STON2: variants seen among roughly 807,000 people sequenced by gnomAD.
STON2 encodes the protein stonin-2.
STON2 carries 29 observed loss-of-function variants against 65.7 expected under a neutral mutation model. The ratio of observed to expected loss-of-function variants is 0.44; its 90% CI spans 0.33 to 0.60. The LOEUF (loss-of-function observed/expected upper bound fraction) is 0.60. STON2 is among the 20% of genes least tolerant of loss of function. The pLI is 0.03. For missense variants in STON2, 1,054 were observed against 1,118.1 expected (o/e 0.94, Z 0.82); for synonymous variants, 404 against 414.2 (o/e 0.98, Z 0.30).
At chr14:81,310,543 T>C (rs1041422855) in intron 5 of STON2, among the ~76,000 whole-genome samples, 23 of 152,358 alleles carry the variant, frequency 1.5e-4, no homozygotes, top group Non-Finnish European at 2.5e-4. Context: ...AGAAGTCTAA[T>C]TGCCCTCCAA....
intron 4 of STON2, among the ~76,000 whole-genome samples, chr14:81,332,585 T>G (rs890126864): frequency 6.6e-6 from 1 of 152,192 alleles, no homozygotes; most frequent in Non-Finnish European, 1.5e-5. Flanking sequence ...TGCCTTGAAC[T>G]TACTGTCATC....
intron 5 of STON2, among the ~76,000 whole-genome samples, chr14:81,323,273 T>G (rs907224817): frequency 6.6e-6 from 1 of 152,168 alleles, no homozygotes; most frequent in African/African-American, 2.4e-5. Flanking sequence ...CCACAGCAAC[T>G]GAGGGAGAGG....
At chr14:81,369,493 G>A (rs1566930424) in intron 4 of STON2, among the ~76,000 whole-genome samples, 1 of 152,056 alleles carries the variant, frequency 6.6e-6, no homozygotes, top group Non-Finnish European at 1.5e-5. Context: ...CTTCAGTGAG[G>A]GGCCCATTTT....
intron 4 of STON2, among the ~76,000 whole-genome samples, chr14:81,335,652 T>C (rs924782589): frequency 7.9e-5 from 12 of 152,190 alleles, no homozygotes; most frequent in African/African-American, 2.9e-4. Context: ...AAGACCTAGA[T>C]TTCAGAGTAT....
intron 5 of STON2, among the ~76,000 whole-genome samples, chr14:81,295,458 T>A (rs949677560): frequency 6.6e-6 from 1 of 152,262 alleles, no homozygotes; most frequent in Non-Finnish European, 1.5e-5. Context: ...GTCTTGGTTA[T>A]GTATCAGATG....
chr14:81,329,288 C>T (rs2140262133), intron 4 of STON2, among the ~76,000 whole-genome samples: 1 of 152,102 alleles, frequency 6.6e-6, no homozygotes, highest in South Asian at 2.1e-4. Flanking sequence ...CCCGTCTCTA[C>T]TAAAAACACA....
At position 81,424,376 on chromosome 14, in the gene STON2, T is replaced by C. The variant is rs565512978; in HGVS notation, c.-199+2726A>G. On this transcript the variant is annotated intron_variant, in intron 2 of 8. Coordinates refer to the STON2 transcript ENST00000553821. ...AGAGAATCGCTTGAACACGGGAAGC[T>C]GAGGTTGCAGTGAGCCAAGATCGCG... 3.1e-3 allele frequency among the ~76,000 whole-genome samples: 465 copies of C among 152,018 alleles called. 2 individuals are homozygous for C. Among genetic ancestry groups the C allele is most frequent in the Non-Finnish European group, 4.6e-3 (312 of 67,962 alleles).
chr14:81,298,425 A>AC (rs1360830668), intron 5 of STON2, among the ~76,000 whole-genome samples: 2 of 5,458 alleles, frequency 3.7e-4, no homozygotes, highest in Admixed American at 8.1e-3. Flanking sequence ...GGGGGGGGGG[A>AC]ATCACAGAAT....
chr14:81,398,852 A>G (rs1900464210), intron 1 of STON2, among the ~76,000 whole-genome samples: 1 of 152,240 alleles, frequency 6.6e-6, no homozygotes, highest in South Asian at 2.1e-4. Context: ...TAATTATTGT[A>G]TTTTAGAAAT....
chr14:81,363,611 G>T (rs1898593491), intron 4 of STON2, among the ~76,000 whole-genome samples: 1 of 144,818 alleles, frequency 6.9e-6, no homozygotes, highest in Non-Finnish European at 1.5e-5. Context: ...AGAGTGAAAA[G>T]ATGTGATTTG....
chr14:81,377,296 C>T (rs1899298485), intron 3 of STON2, among the ~76,000 whole-genome samples: 1 of 152,160 alleles, frequency 6.6e-6, no homozygotes, highest in South Asian at 2.1e-4. Context: ...GCTTTTATTA[C>T]TCAGCATAAT....
At chr14:81,387,761 G>A (rs978486068) in intron 3 of STON2, among the ~76,000 whole-genome samples, 5 of 150,944 alleles carry the variant, frequency 3.3e-5, no homozygotes, top group Admixed American at 6.6e-5. Flanking sequence ...GCATGGTGGC[G>A]GGTGCCTGTA....
chr14:81,376,038 A>G (rs1899236516), intron 3 of STON2, among the ~76,000 whole-genome samples: 1 of 151,912 alleles, frequency 6.6e-6, no homozygotes, highest in Non-Finnish European at 1.5e-5. Flanking sequence ...TGAAAATACT[A>G]TATGTGAAAA....
intron 6 of STON2, among the ~76,000 whole-genome samples, chr14:81,275,365 A>T (rs1346544307): frequency 1.3e-5 from 2 of 152,144 alleles, no homozygotes; most frequent in African/African-American, 4.8e-5. Flanking sequence ...GATACGTCAC[A>T]TCACCTTCCC....
At chr14:81,338,450 CTG>C (rs1366641081) in intron 4 of STON2, among the ~76,000 whole-genome samples, 5 of 152,334 alleles carry the variant, frequency 3.3e-5, no homozygotes, top group South Asian at 2.1e-4. Flanking sequence ...ATGTCTTGCT[CTG>C]TGTGTCTCTT....
intron 5 of STON2, among the ~76,000 whole-genome samples, chr14:81,298,544 A>G (rs1895855137): frequency 6.6e-6 from 1 of 152,096 alleles, no homozygotes; most frequent in African/African-American, 2.4e-5. Flanking sequence ...TCCCTGATCT[A>G]TATACCTCTG....
rs57821672 is a variant in STON2 at position 81,308,781 on chromosome 14, CATATATATATATATATATATATAT to C, written c.742+15212_742+15235del. Among the ~76,000 whole-genome samples the C allele has an allele frequency of 5.4e-4, 5 of 9,178 alleles. 1 individual carries two copies. Among genetic ancestry groups the C allele is most frequent in the Admixed American group, 1.4e-3 (1 of 702 alleles). The allele number at this position is 9,178 out of a possible 152,430, so 6.0% of individuals were successfully genotyped here. On this transcript the variant is annotated intron_variant, in intron 5 of 7. Coordinates refer to ENST00000614646, the MANE Select transcript of STON2 (RefSeq NM_001394390.1). The stretch of plus-strand genomic sequence containing the variant: ...TTCACCCAGAGGACATGGTTTTACC[CATATATATATATATATATATATAT>C]ATATATATATATATATATATGTGTG...
At chr14:81,356,704 C>A (rs1343332996) in intron 4 of STON2, among the ~76,000 whole-genome samples, 4 of 152,054 alleles carry the variant, frequency 2.6e-5, no homozygotes, top group Non-Finnish European at 5.9e-5. Context: ...TTGGTCTATT[C>A]AGAGATTCAA....
At chr14:81,343,542 C>T (rs1478802916) in intron 4 of STON2, among the ~76,000 whole-genome samples, 4 of 152,128 alleles carry the variant, frequency 2.6e-5, no homozygotes, top group Non-Finnish European at 4.4e-5. Flanking sequence ...CGGGTGAGCC[C>T]ACCCTTCAGT....
Sources: gnomAD v4.1 joint callset for allele counts (sites outside exome capture counted in the v4.1 genomes callset) on GRCh38, gnomAD v4.1.1 for gene constraint, MANE v1.5 for transcripts, NCBI Gene and HGNC (gene_info 2026-07-23, HGNC 2026-07-21) for gene names.